Variants in TET3 observed in about 807,000 individuals in gnomAD.
The protein encoded by TET3 is methylcytosine dioxygenase TET3.
In TET3, 19 loss-of-function variants were observed where a neutral mutation model predicts 141.4. The ratio of observed to expected loss-of-function variants is 0.13; its 90% CI spans 0.09 to 0.20. The LOEUF is 0.20. TET3 is among the 10% of genes least tolerant of loss of function. The probability of loss-of-function intolerance (pLI) is 1.00; values close to 1 mark genes in which losing one functional copy is unlikely to be tolerated. For synonymous variants in TET3, 1,043 were observed against 980.9 expected (o/e 1.06, Z -1.18); for missense variants, 1,874 against 2,356.9 (o/e 0.80, Z 4.24).
intron 4 of TET3, among the ~76,000 whole-genome samples, chr2:74,064,432 C>T (rs1020327301): frequency 6.6e-6 from 1 of 152,134 alleles, no homozygotes; most frequent in African/African-American, 2.4e-5. Flanking sequence ...CAAGGTCTTA[C>T]TCTGTCTCCC....
chr2:74,081,853 G>C (rs760033195), intron 6 of TET3, among the ~76,000 whole-genome samples: 1 of 152,202 alleles, frequency 6.6e-6, no homozygotes, highest in Non-Finnish European at 1.5e-5. Flanking sequence ...TTTTTAGTCA[G>C]CATTGCAGAA....
At chr2:74,095,180 C>G (rs939671738) in intron 10 of TET3, among the ~76,000 whole-genome samples, 22 of 152,176 alleles carry the variant, frequency 1.4e-4, no homozygotes, top group African/African-American at 5.1e-4. Context: ...GCTTATGCCC[C>G]CTGGGGATTG....
chr2:74,001,306 A>G (rs968092760), intron 2 of TET3, among the ~76,000 whole-genome samples: 3 of 151,954 alleles, frequency 2.0e-5, no homozygotes, highest in Non-Finnish European at 4.4e-5. Context: ...TGGGTAGGAG[A>G]GCGAATCACT....
chr2:74,051,639 A>C lies in TET3; in HGVS notation c.2494+3228A>C, dbSNP rs142292737. Among the ~76,000 whole-genome samples the C allele has an allele frequency of 3.3e-5, 5 of 152,286 alleles. No homozygotes were observed. In the East Asian group the frequency reaches 9.7e-4, roughly 29 times the overall value. ...GCTTTTGAGAGTAAAAGTGTTTATG[A>C]AGCACCTGCTCTGGTCTAGGCACCC... On this transcript the variant is annotated intron_variant, in intron 4 of 11. Transcript: ENST00000409262.
intron 10 of TET3, among the ~76,000 whole-genome samples, chr2:74,096,478 C>T (rs1438516759): frequency 2.0e-5 from 3 of 152,210 alleles, no homozygotes; most frequent in African/African-American, 7.2e-5. Flanking sequence ...TTAAGAAAAG[C>T]AGGTCAGGCC....
intron 3 of TET3, among the ~76,000 whole-genome samples, chr2:74,004,783 G>A (rs1298640725): frequency 6.6e-6 from 1 of 152,164 alleles, no homozygotes; most frequent in Admixed American, 6.5e-5. Flanking sequence ...AGCCTTCTCT[G>A]GAGCAGAACC....
At chr2:74,068,174 A>T (rs1330288015) in intron 4 of TET3, among the ~76,000 whole-genome samples, 1 of 149,676 alleles carries the variant, frequency 6.7e-6, no homozygotes, top group African/African-American at 2.5e-5. Context: ...CATGGCTGTT[A>T]TTTTTTTTTT....
intron 3 of TET3, among the ~76,000 whole-genome samples, chr2:74,018,296 A>G (rs902796910): frequency 2.8e-5 from 4 of 145,364 alleles, no homozygotes; most frequent in Non-Finnish European, 4.4e-5. Flanking sequence ...GAGAAAACAT[A>G]GTATAGCTTT....
intron 4 of TET3, among the ~76,000 whole-genome samples, chr2:74,062,607 T>A (rs1688655227): frequency 1.3e-5 from 2 of 152,156 alleles, no homozygotes; most frequent in Admixed American, 1.3e-4. Context: ...AAAAACATAC[T>A]ATAGATTTTC....
chr2:74,129,387 C>G, the TET3 span, among the ~76,000 whole-genome samples: 1 of 138,056 alleles, frequency 7.2e-6, no homozygotes, highest in African/African-American at 2.7e-5. Flanking sequence ...AATCCCAGCA[C>G]TTTGGGAGGC....
chr2:74,061,337 C>T (rs1688535147), intron 4 of TET3, among the ~76,000 whole-genome samples: 1 of 139,158 alleles, frequency 7.2e-6, no homozygotes, highest in African/African-American at 2.7e-5. Context: ...GCGCCCCTCA[C>T]CTCCCGGACG....
intron 4 of TET3, among the ~76,000 whole-genome samples, chr2:74,050,044 C>T (rs143212776): frequency 6.6e-6 from 1 of 152,132 alleles, no homozygotes; most frequent in Non-Finnish European, 1.5e-5. Context: ...GTGTCCCATC[C>T]GCCTGTGTTT....
intron 10 of TET3, among the ~76,000 whole-genome samples, chr2:74,095,336 G>A (rs901810799): frequency 2.2e-4 from 33 of 152,220 alleles, no homozygotes; most frequent in African/African-American, 7.2e-4. Context: ...CACAGTGTTA[G>A]AGAGACGAAG....
intron 11 of TET3, 141 bp downstream of exon 11, chr2:74,099,753 C>A: frequency 1.1e-6 from 1 of 887,654 alleles, no homozygotes; most frequent in Non-Finnish European, 1.7e-6. Flanking sequence ...CTGCAGCAGC[C>A]ACAGCCAGCC....
At chr2:74,059,097 A>G (rs995975334) in intron 4 of TET3, among the ~76,000 whole-genome samples, 1 of 152,214 alleles carries the variant, frequency 6.6e-6, no homozygotes, top group Non-Finnish European at 1.5e-5. Flanking sequence ...TAACTATTCT[A>G]TTCTAACTTC....
At chr2:74,002,828 C>CGGGCGG (rs1481461433) in intron 2 of TET3, 6 of 567,396 alleles carry the variant, frequency 1.1e-5, no homozygotes, top group Non-Finnish European at 1.9e-5. Flanking sequence ...CGGGGATGGC[C>CGGGCGG]GGGCGGACGC....
At chr2:74,012,776 G>A (rs1685526419) in intron 3 of TET3, among the ~76,000 whole-genome samples, 2 of 152,144 alleles carry the variant, frequency 1.3e-5, no homozygotes, top group South Asian at 2.1e-4. Flanking sequence ...TTAAGTGTGG[G>A]TATTGCTGAT....
Position 74,100,910 on chromosome 2 carries a change from A to G in TET3, c.4122A>G (p.Leu1374=). 1 of 1,609,818 alleles carries G rather than the reference A, an allele frequency of 6.2e-7. No homozygotes were observed. Among genetic ancestry groups the G allele is most frequent in the Non-Finnish European group, 8.5e-7 (1 of 1,178,324 alleles). ...PKEYLLPKAP[L]LHSVSRDPSP... ...AGTATCTGCTTCCCAAGGCCCCCCT[A>G]CTCCACTCAGTGTCCAGGGACCCCT... The change falls in exon 12 of 12, where the codon CTA becomes CTG. Residue 1374 remains leucine (L), a synonymous_variant. Coordinates refer to ENST00000409262, the MANE Select transcript of TET3 (RefSeq NM_001287491.2).
chr2:74,099,050 G>T (rs1691010401), intron 10 of TET3, among the ~76,000 whole-genome samples: 1 of 152,196 alleles, frequency 6.6e-6, no homozygotes, highest in African/African-American at 2.4e-5. Context: ...AGGATCATAG[G>T]AGATAATGTG....
Sources: allele counts gnomAD v4.1 joint callset (sites outside exome capture counted in the v4.1 genomes callset), GRCh38; gene constraint gnomAD v4.1.1; transcripts MANE v1.5; gene names NCBI Gene and HGNC (gene_info 2026-07-23, HGNC 2026-07-21).